ASB16: variants seen among roughly 807,000 people sequenced by gnomAD.
The protein encoded by ASB16 is ankyrin repeat and SOCS box containing 16.
A neutral mutation model predicts 39.1 loss-of-function variants in ASB16; 44 were observed. The ratio of observed to expected loss-of-function variants is 1.13; its 90% CI spans 0.88 to 1.45. The LOEUF is 1.45. Ranked by LOEUF, ASB16 falls within the 40% of genes most tolerant of loss-of-function variation. The probability of loss-of-function intolerance (pLI) is 0.00; values close to 1 mark genes in which losing one functional copy is unlikely to be tolerated. For synonymous variants in ASB16, 305 were observed against 286.7 expected (o/e 1.06, Z -0.64); for missense variants, 698 against 634.5 (o/e 1.10, Z -1.07).
At chr17:44,173,979 C>G (rs1033334013) in intron 2 of ASB16, among the ~76,000 whole-genome samples, 5 of 151,876 alleles carry the variant, frequency 3.3e-5, no homozygotes, top group African/African-American at 1.2e-4. Context: ...TCAAGTGATC[C>G]TCCTGCCTCA....
intron 2 of ASB16, 61 bp downstream of exon 2, chr17:44,172,374 A>G: frequency 6.4e-7 from 1 of 1,563,058 alleles, no homozygotes; most frequent in Non-Finnish European, 8.6e-7. Flanking sequence ...TCCAGCTCAC[A>G]AGGCCAGAAG....
intron 2 of ASB16, among the ~76,000 whole-genome samples, chr17:44,172,730 C>A (rs1190783288): frequency 1.1e-5 from 1 of 87,632 alleles, no homozygotes; most frequent in Non-Finnish European, 2.0e-5. Context: ...GGTTCAAATG[C>A]CTCAGCCTCC....
intron 1 of ASB16, 53 bp downstream of exon 1, chr17:44,171,143 T>G (rs2054239894): frequency 5.9e-6 from 9 of 1,535,398 alleles, no homozygotes; most frequent in Admixed American, 5.5e-5. Flanking sequence ...GGGGAGTGGG[T>G]GGGGAAGGGG....
At position 44,172,327 on chromosome 17, in the gene ASB16, G is replaced by T. The variant is rs1195572449; in HGVS notation, c.569+14G>T. On this transcript the variant is annotated intron_variant, in intron 2 of 4. Coordinates refer to ENST00000293414, the MANE Select transcript of ASB16 (RefSeq NM_080863.5). ...CGAGTCCTTGCAGTAGGTGCCTGGG[G>T]GCTGAGACAGTTTGGGGAGAAATGT... is the stretch of plus-strand genomic sequence containing the variant. 3.1e-6 allele frequency: 5 copies of T among 1,599,426 alleles called. No individual in the cohort carries two copies. The highest frequency in any genetic ancestry group is 1.7e-4 in the Middle Eastern group (1 of 5,972).
chr17:44,178,131 C>T (rs894153621), intron 4 of ASB16, 74 bp from the exon 5 acceptor site: 69 of 1,538,446 alleles, frequency 4.5e-5, no homozygotes, highest in Admixed American at 4.3e-4. Context: ...TGCAAAATCC[C>T]AGGACCCCCA....
chr17:44,177,685 A>C lies in ASB16; in HGVS notation c.1139A>C (p.Glu380Ala). Reference protein sequence around the residue: ...LNAYPCVPSCETWVEAVLPEL... With the variant: ...LNAYPCVPSCATWVEAVLPEL... The stretch of plus-strand genomic sequence containing the variant: ...GCCTATCCTTGTGTCCCATCCTGTG[A>C]GACCTGGGTGGAGGCGGTGCTCCCA... Residue 380 changes from glutamate (E) to alanine (A), a missense_variant, in exon 4 of 5, where the codon GAG (glutamate) becomes GCG (alanine). Transcript: ENST00000293414. 1 of 1,613,812 alleles carries C rather than the reference A, an allele frequency of 6.2e-7. No individual in the cohort carries two copies. Among genetic ancestry groups the C allele is most frequent in the Non-Finnish European group, 8.5e-7 (1 of 1,179,824 alleles).
At chr17:44,171,981 G>A (rs2054246098) in intron 1 of ASB16, 65 bp from the exon 2 acceptor site, 1 of 1,522,938 alleles carries the variant, frequency 6.6e-7, no homozygotes. Flanking sequence ...GCTGGAACCA[G>A]CATCCCCACT....
At position 44,172,044 on chromosome 17, in the gene ASB16, A is replaced by C. The variant is rs1373885101; in HGVS notation, c.302-2A>C. 7 of 1,610,520 alleles carry C rather than the reference A, an allele frequency of 4.3e-6. No homozygotes were observed. Among genetic ancestry groups the C allele is most frequent in the Non-Finnish European group, 5.9e-6 (7 of 1,178,658 alleles). ...CCTCCCAAAACTATTTGCTCTCCCT[A>C]GGGTTCTGGGTGCTGACCCCCAAGA... On this transcript the variant is annotated splice_acceptor_variant, in intron 1 of 4. Transcript: ENST00000293414. LOFTEE classifies it high-confidence loss of function.
At chr17:44,177,835 T>C in intron 4 of ASB16, 113 bp downstream of exon 4, 1 of 1,445,412 alleles carries the variant, frequency 6.9e-7, no homozygotes, top group Non-Finnish European at 9.2e-7. Context: ...AGAGGATGGG[T>C]AGAGTGGCAC....
At chr17:44,178,051 C>T (rs2054325737) in intron 4 of ASB16, 154 bp from the exon 5 acceptor site, 11 of 785,644 alleles carry the variant, frequency 1.4e-5, no homozygotes, top group East Asian at 8.0e-5. Context: ...CCCGCATTAT[C>T]ACTGCAGGGC....
Position 44,178,507 on chromosome 17 carries a change from C to T in ASB16, c.*117C>T, listed in dbSNP as rs967805763. On this transcript the variant is annotated 3_prime_UTR_variant, in exon 5 of 5. Transcript: ENST00000293414. The stretch of plus-strand genomic sequence containing the variant: ...TTTCTTTTTGAGACCTAGTCTCACT[C>T]TGTTGCCCAGGCTGGAGTGCAGTGG... 7.1e-6 allele frequency: 8 copies of T among 1,132,582 alleles called. No individual in the cohort carries two copies. The African/African-American group carries it at 9.4e-5, about 13-fold the overall frequency. The allele number at this position is 1,132,582 out of a possible 1,614,324, so 70.2% of individuals were successfully genotyped here. A position where few individuals can be genotyped will look rare whatever the true frequency, so the allele number is the denominator to read the frequency against.
At position 44,170,850 on chromosome 17, in the gene ASB16, G is replaced by A. The variant is rs1478499408; in HGVS notation, c.61G>A (p.Glu21Lys). 2.5e-6 allele frequency: 4 copies of A among 1,611,724 alleles called. No homozygotes were observed. The East Asian group carries it at 8.9e-5, about 36-fold the overall frequency. Reference sequence around the variant, plus strand: ...GCTGCGCTCTCTCCGCCTGCAGCAGGAGTGGCTGGAATGGGAGGACCGGCG... The same window carrying A: ...GCTGCGCTCTCTCCGCCTGCAGCAGAAGTGGCTGGAATGGGAGGACCGGCG... ...SMLRSLRLQQ[E>K]WLEWEDRRRA... The change falls in exon 1 of 5, where the codon GAG (glutamate) becomes AAG (lysine). Residue 21 changes from glutamate to lysine, a missense_variant. By Grantham distance (56) the Glu-to-Lys change is moderately conservative. Coordinates refer to ENST00000293414, the MANE Select transcript of ASB16 (RefSeq NM_080863.5).
At chr17:44,174,835 G>A (rs2054273233) in intron 2 of ASB16, among the ~76,000 whole-genome samples, 1 of 152,178 alleles carries the variant, frequency 6.6e-6, no homozygotes. Context: ...CGGGCGTGGT[G>A]ACTAACACCT....
chr17:44,176,530 G>C, intron 2 of ASB16: 1 of 757,676 alleles, frequency 1.3e-6, no homozygotes, highest in South Asian at 1.7e-5. Flanking sequence ...CTGGGCTTAA[G>C]TTTTTCATAT....
chr17:44,171,147 G>C, intron 1 of ASB16, 57 bp downstream of exon 1: 1 of 1,532,082 alleles, frequency 6.5e-7, no homozygotes, highest in Non-Finnish European at 8.9e-7. Flanking sequence ...AGTGGGTGGG[G>C]AAGGGGGAGA....
Position 44,172,312 on chromosome 17 carries a change from C to A in ASB16, c.568C>A (p.Gln190Lys), listed in dbSNP as rs1207602262. The change falls in exon 2 of 5, where the codon CAG becomes AAG. Residue 190 changes from glutamine to lysine, a missense_variant and splice_region_variant. Gln to Lys is a moderately conservative substitution (Grantham distance 53). Coordinates refer to ENST00000293414, the MANE Select transcript of ASB16 (RefSeq NM_080863.5). ...LHLCTIPESL[Q>K]CAKLLLEAGA... ...CCTCTGCACGATCCCCGAGTCCTTG[C>A]AGTAGGTGCCTGGGGGCTGAGACAG... 1.2e-6 allele frequency: 2 copies of A among 1,609,738 alleles called. No individual in the cohort carries two copies. The highest frequency in any genetic ancestry group is 1.1e-5 in the South Asian group (1 of 91,036).
chr17:44,171,166 C>A, intron 1 of ASB16, 76 bp downstream of exon 1: 1 of 1,435,060 alleles, frequency 7.0e-7, no homozygotes, highest in Non-Finnish European at 9.4e-7. Context: ...GAGTCTAGGC[C>A]CCTCCTTCCC....
intron 3 of ASB16, 111 bp from the exon 4 acceptor site, chr17:44,177,498 C>T: frequency 7.2e-7 from 1 of 1,383,180 alleles, no homozygotes; most frequent in Non-Finnish European, 9.8e-7. Context: ...AAGAGAGACT[C>T]AGACCTTAGC....
intron 1 of ASB16, among the ~76,000 whole-genome samples, chr17:44,171,654 A>G (rs1225640713): frequency 6.6e-6 from 1 of 150,584 alleles, no homozygotes. Flanking sequence ...TTGGCCTCCC[A>G]AAGTGCTAGG....
Sources: allele counts gnomAD v4.1 joint callset (sites outside exome capture counted in the v4.1 genomes callset), GRCh38; gene constraint gnomAD v4.1.1; transcripts MANE v1.5; gene names NCBI Gene and HGNC (gene_info 2026-07-23, HGNC 2026-07-21).